The following IGF1R variants were observed in gnomAD, a reference collection of about 807,000 sequenced individuals.
IGF1R encodes the protein insulin like growth factor 1 receptor, also known as insulin-like growth factor 1 receptor.
IGF1R carries 44 observed loss-of-function variants against 144.6 expected under a neutral mutation model. The observed-to-expected ratio is 0.30, with a 90% CI of 0.24 to 0.39. The LOEUF (loss-of-function observed/expected upper bound fraction) is 0.39. IGF1R is among the 10% of genes least tolerant of loss of function. The pLI, the probability that IGF1R is intolerant of heterozygous loss-of-function variation, is 1.00. For synonymous variants in IGF1R, 795 were observed against 722.8 expected, an observed-to-expected ratio of 1.10 and a Z score of -1.60; for missense variants, 1,355 against 1,833.7, an observed-to-expected ratio of 0.74 and a Z score of 4.77.
At chr15:98,679,964 A>G (rs1217423480) in intron 1 of IGF1R, among the ~76,000 whole-genome samples, 1 of 152,120 alleles carries the variant, frequency 6.6e-6, no homozygotes. Context: ...AAAAAAGTTA[A>G]AAATAGAAAA....
intron 2 of IGF1R, among the ~76,000 whole-genome samples, chr15:98,866,724 GTT>G (rs1345901727): frequency 2.0e-5 from 3 of 152,178 alleles, no homozygotes; most frequent in African/African-American, 7.2e-5. Context: ...GCTGGCGGTC[GTT>G]TCGGCAGCTT....
At chr15:98,780,656 T>C (rs1391138851) in intron 2 of IGF1R, among the ~76,000 whole-genome samples, 1 of 152,052 alleles carries the variant, frequency 6.6e-6, no homozygotes, top group Non-Finnish European at 1.5e-5. Flanking sequence ...AAAAGTTTTA[T>C]AGTTTCCTAT....
Position 98,908,826 on chromosome 15 carries a change from G to A in IGF1R, c.1389G>A (p.Glu463=), listed in dbSNP as rs1245983695. ...KLCVSEIYRM[E]EVTGTKGRQS... is the part of the protein sequence containing the mutation. ...GTGTTTCCGAAATTTACCGCATGGA[G>A]GAAGTGACGGGGACTAAAGGGCGCC... is the stretch of plus-strand genomic sequence containing the variant. Residue 463 remains glutamate (E), a synonymous_variant, in exon 6 of 21, where the codon GAG becomes GAA. Transcript: ENST00000650285. 2.5e-6 allele frequency: 4 copies of A among 1,614,070 alleles called. No individual in the cohort carries two copies. The highest frequency in any genetic ancestry group is 2.5e-6 in the Non-Finnish European group (3 of 1,180,034).
At chr15:98,909,497 G>A (rs369969198) in intron 6 of IGF1R, among the ~76,000 whole-genome samples, 87 of 152,180 alleles carry the variant, frequency 5.7e-4, no homozygotes, top group African/African-American at 2.0e-3. Context: ...GACCTCAAAT[G>A]ATCCACGTGC....
intron 1 of IGF1R, among the ~76,000 whole-genome samples, chr15:98,673,365 T>C (rs1228894188): frequency 2.0e-5 from 3 of 152,234 alleles, no homozygotes; most frequent in Admixed American, 1.3e-4. Context: ...AGTAAATAGA[T>C]GATCATTCTC....
intron 2 of IGF1R, among the ~76,000 whole-genome samples, chr15:98,756,893 AT>A (rs2055169271): frequency 6.6e-6 from 1 of 151,846 alleles, no homozygotes; most frequent in Non-Finnish European, 1.5e-5. Context: ...CTGTCCTTGA[AT>A]TTTTCTTTTG....
intron 1 of IGF1R, chr15:98,651,010 G>A: frequency 1.0e-6 from 1 of 985,328 alleles, no homozygotes; most frequent in Non-Finnish European, 1.2e-6. Flanking sequence ...ATTCAAGATG[G>A]TAGGGTAATT....
intron 2 of IGF1R, among the ~76,000 whole-genome samples, chr15:98,869,755 C>T (rs1345085716): frequency 1.3e-5 from 2 of 152,292 alleles, no homozygotes; most frequent in African/African-American, 4.8e-5. Flanking sequence ...TAAGCCAAGG[C>T]AGAAGAAGAG....
chr15:98,696,088 A>G (rs546001497), intron 1 of IGF1R, among the ~76,000 whole-genome samples: 1 of 148,648 alleles, frequency 6.7e-6, no homozygotes, highest in Admixed American at 6.7e-5. Context: ...ATTATATCCA[A>G]TTAAATCTCC....
chr15:98,843,059 C>T (rs749784840), intron 2 of IGF1R, among the ~76,000 whole-genome samples: 122 of 152,310 alleles, frequency 8.0e-4, no homozygotes, highest in Non-Finnish European at 1.6e-3. Context: ...AAACTGCTTC[C>T]TCTTGCGTCA....
intron 2 of IGF1R, among the ~76,000 whole-genome samples, chr15:98,885,564 T>G (rs1324155914): frequency 6.6e-6 from 1 of 152,198 alleles, no homozygotes; most frequent in Non-Finnish European, 1.5e-5. Context: ...CGAGGATGCA[T>G]GCCTGCTAGG....
chr15:98,825,490 A>T (rs939995501), intron 2 of IGF1R, among the ~76,000 whole-genome samples: 13 of 152,238 alleles, frequency 8.5e-5, no homozygotes, highest in Admixed American at 2.6e-4. Context: ...CATTAACTGC[A>T]TGAGCTCCGC....
intron 18 of IGF1R, among the ~76,000 whole-genome samples, chr15:98,941,801 T>C (rs1002042319): frequency 6.6e-6 from 1 of 152,204 alleles, no homozygotes; most frequent in Non-Finnish European, 1.5e-5. Context: ...CTTACCTCTT[T>C]GGGGCATGAG....
rs191635162 is a variant in IGF1R at position 98,889,590 on chromosome 15, A to G, written c.641-1735A>G. Reference sequence around the variant, plus strand: ...CTGTTAAATGTTTGTGGAATTCACAATCTTTTATGCCAAAAGAAAGCTTTC... The same window carrying G: ...CTGTTAAATGTTTGTGGAATTCACAGTCTTTTATGCCAAAAGAAAGCTTTC... On this transcript the variant is annotated intron_variant, in intron 2 of 20. Transcript: ENST00000650285. 2.9e-3 allele frequency among the ~76,000 whole-genome samples: 442 copies of G among 152,370 alleles called. 4 individuals are homozygous for G. Among genetic ancestry groups the G allele is most frequent in the African/African-American group, 9.8e-3 (407 of 41,584 alleles).
At chr15:98,671,404 T>C (rs746350898) in intron 1 of IGF1R, among the ~76,000 whole-genome samples, 29 of 152,206 alleles carry the variant, frequency 1.9e-4, no homozygotes, top group Admixed American at 1.0e-3. Context: ...CCATGGGCTA[T>C]CACCCCCTCT....
intron 2 of IGF1R, among the ~76,000 whole-genome samples, chr15:98,771,226 AC>A (rs898692674): frequency 2.0e-5 from 3 of 151,834 alleles, no homozygotes; most frequent in African/African-American, 7.3e-5. Context: ...ACTAACACAT[AC>A]CCCCTGCTGC....
intron 2 of IGF1R, chr15:98,880,863 A>G (rs1009096812): frequency 4.6e-5 from 7 of 152,226 alleles, no homozygotes; most frequent in African/African-American, 1.4e-4. Context: ...CTGTAGGGCA[A>G]ATATAACCAT....
intron 2 of IGF1R, among the ~76,000 whole-genome samples, chr15:98,733,393 AAT>A (rs1473824706): frequency 6.6e-6 from 1 of 151,828 alleles, no homozygotes; most frequent in East Asian, 1.9e-4. Context: ...GCTAATTTTT[AAT>A]AGAGATGGGG....
chr15:98,813,045 G>T (rs1406531912), intron 2 of IGF1R, among the ~76,000 whole-genome samples: 1 of 152,154 alleles, frequency 6.6e-6, no homozygotes, highest in African/African-American at 2.4e-5. Context: ...CATCCCCCTT[G>T]GCTGGGGCGA....
Sources: gnomAD v4.1 joint callset for allele counts (sites outside exome capture counted in the v4.1 genomes callset) on GRCh38, gnomAD v4.1.1 for gene constraint, MANE v1.5 for transcripts, NCBI Gene and HGNC (gene_info 2026-07-23, HGNC 2026-07-21) for gene names.